Variants in ERICH5 observed in about 807,000 individuals in gnomAD.
ERICH5 encodes the protein glutamate-rich protein 5.
In ERICH5, 24 loss-of-function variants were observed where a neutral mutation model predicts 28.0. The observed-to-expected ratio is 0.86, with a 90% CI of 0.62 to 1.21. The LOEUF (loss-of-function observed/expected upper bound fraction) is 1.21. Ranked by LOEUF, ERICH5 falls within the 50% of genes most tolerant of loss-of-function variation. ERICH5 has a pLI of 0.00. For synonymous variants in ERICH5, 163 were observed against 157.6 expected (o/e 1.03, Z -0.25); for missense variants, 421 against 441.2 (o/e 0.95, Z 0.41).
chr8:98,084,580 C>A lies in ERICH5; in HGVS notation c.59-4496C>A, dbSNP rs1815239229. 2.0e-5 allele frequency among the ~76,000 whole-genome samples: 3 copies of A among 151,672 alleles called. No individual in the cohort carries two copies. In the South Asian group the frequency reaches 6.3e-4, roughly 32 times the overall value. On this transcript the variant is annotated intron_variant, in intron 1 of 2. Transcript: ENST00000318528. ...ATTTTTAGTAGAGACTGGGTTTCAC[C>A]ATGTTGGCCAGGCTGGTCTCGAACT...
chr8:98,070,677 AAAAAAGAAAAGAAAAG>A (rs1814899388), intron 1 of ERICH5, among the ~76,000 whole-genome samples: 1 of 147,594 alleles, frequency 6.8e-6, no homozygotes, highest in Admixed American at 6.8e-5. Context: ...AAAAAAAAAA[AAAAAAGAAAAGAAAAG>A]AAAAAGAAAA....
At position 98,093,325 on chromosome 8, in the gene ERICH5, G is replaced by T; in HGVS notation, c.1117G>T (p.Ala373Ser). The T allele has an allele frequency of 6.2e-7, 1 of 1,611,912 alleles. No homozygotes were observed. Among genetic ancestry groups the T allele is most frequent in the Non-Finnish European group, 8.5e-7 (1 of 1,178,218 alleles). Residue 373 changes from alanine to serine, a missense_variant, in exon 3 of 3, where the codon GCC becomes TCC. Coordinates refer to ENST00000318528, the MANE Select transcript of ERICH5 (RefSeq NM_173549.3). Reference sequence around the variant, plus strand: ...AGGAGAAGTGGTGGACCTTTCAGCAGCCACATAGATAGAAGAGTGAACCGA... The same window carrying T: ...AGGAGAAGTGGTGGACCTTTCAGCATCCACATAGATAGAAGAGTGAACCGA... ...ETGEVVDLSAAT is the reference protein window; with the variant it reads ...ETGEVVDLSAST
At chr8:98,072,299 A>G (rs1245900937) in intron 1 of ERICH5, among the ~76,000 whole-genome samples, 3 of 152,162 alleles carry the variant, frequency 2.0e-5, no homozygotes, top group Non-Finnish European at 4.4e-5. Flanking sequence ...TGTGATGCAC[A>G]AATATCATAT....
At chr8:98,087,071 G>A (rs1815295343) in intron 1 of ERICH5, among the ~76,000 whole-genome samples, 1 of 152,138 alleles carries the variant, frequency 6.6e-6, no homozygotes, top group Non-Finnish European at 1.5e-5. Flanking sequence ...AGACGGGCGT[G>A]GTGGCTTACG....
At chr8:98,088,381 T>C (rs1416094715) in intron 1 of ERICH5, among the ~76,000 whole-genome samples, 1 of 152,208 alleles carries the variant, frequency 6.6e-6, no homozygotes, top group African/African-American at 2.4e-5. Context: ...CATTGGGAGC[T>C]AAGTTTCCAA....
chr8:98,071,160 C>T (rs1814911444), intron 1 of ERICH5, among the ~76,000 whole-genome samples: 1 of 152,080 alleles, frequency 6.6e-6, no homozygotes, highest in South Asian at 2.1e-4. Flanking sequence ...ACCCGTAATC[C>T]CAGCTACTCG....
At chr8:98,078,084 C>T (rs1815092105) in intron 1 of ERICH5, among the ~76,000 whole-genome samples, 1 of 152,172 alleles carries the variant, frequency 6.6e-6, no homozygotes, top group South Asian at 2.1e-4. Flanking sequence ...CCTAAGTTCA[C>T]CTTTCTTCAA....
At chr8:98,073,456 A>C (rs866695988) in intron 1 of ERICH5, among the ~76,000 whole-genome samples, 158 of 9,570 alleles carry the variant, frequency 0.017, 33 homozygotes, top group Middle Eastern at 0.056. Context: ...ATATATATAT[A>C]TATGTATATA....
chr8:98,085,136 CTTTTTTTTTTTTTTTTTTTTTTTTT>C lies in ERICH5; in HGVS notation c.59-3922_59-3898del, dbSNP rs760470751. Among the ~76,000 whole-genome samples the C allele has an allele frequency of 4.4e-3, 252 of 57,322 alleles. 1 individual carries two copies. In the South Asian group the frequency reaches 0.063, roughly 14 times the overall value. 37.6% of individuals were successfully genotyped at this position (57,322 alleles called of 152,430 possible). On this transcript the variant is annotated intron_variant, in intron 1 of 2. Transcript: ENST00000318528. ...TTCCCTGGTGTGAACGTTCCACAGC[CTTTTTTTTTTTTTTTTTTTTTTTTT>C]TTTTTTTTTTTTTTTTTGAGACGGA... is the stretch of plus-strand genomic sequence containing the variant.
In ERICH5 at chr8:98,089,687, G is replaced by A. The variant is rs971787626; in HGVS notation, c.670G>A (p.Glu224Lys). Reference protein sequence around the residue: ...QAPLLETISKENESPEILEGS... With the variant: ...QAPLLETISKKNESPEILEGS... ...CCCGCTTCTAGAAACAATTTCCAAA[G>A]AGAATGAATCTCCAGAAATATTGGA... Residue 224 changes from glutamate (E) to lysine (K), a missense_variant, in exon 2 of 3, where the codon GAG (glutamate) becomes AAG (lysine). Physicochemically the swap from Glu to Lys is moderately conservative, Grantham distance 56. Transcript: ENST00000318528. The A allele has an allele frequency of 1.9e-6, 3 of 1,614,026 alleles. No homozygotes were observed. Among genetic ancestry groups the A allele is most frequent in the Non-Finnish European group, 1.7e-6 (2 of 1,180,022 alleles).
chr8:98,087,621 C>T (rs1257357080), intron 1 of ERICH5, among the ~76,000 whole-genome samples: 1 of 150,682 alleles, frequency 6.6e-6, no homozygotes, highest in Non-Finnish European at 1.5e-5. Context: ...TGCCCTCCCT[C>T]CCCTCCCTGC....
intron 1 of ERICH5, among the ~76,000 whole-genome samples, chr8:98,080,646 C>T (rs1257116305): frequency 1.3e-5 from 2 of 150,740 alleles, no homozygotes; most frequent in Non-Finnish European, 3.0e-5. Context: ...TTCTCCTTCT[C>T]CTTCTTCTTC....
chr8:98,073,695 A>C (rs1814994305), intron 1 of ERICH5, among the ~76,000 whole-genome samples: 1 of 149,018 alleles, frequency 6.7e-6, no homozygotes, highest in East Asian at 2.0e-4. Flanking sequence ...GACGGGTGCC[A>C]CCATGCCCGG....
At chr8:98,073,454 A>C (rs1201715887) in intron 1 of ERICH5, among the ~76,000 whole-genome samples, 265 of 9,718 alleles carry the variant, frequency 0.027, 57 homozygotes, top group Middle Eastern at 0.05. Flanking sequence ...ATATATATAT[A>C]TATATGTATA....
chr8:98,087,194 T>TA lies in ERICH5; in HGVS notation c.59-1875dup, dbSNP rs1227179174. Among the ~76,000 whole-genome samples the TA allele has an allele frequency of 2.6e-5, 4 of 151,862 alleles. No individual in the cohort carries two copies. In the East Asian group the frequency reaches 5.8e-4, roughly 22 times the overall value. On this transcript the variant is annotated intron_variant, in intron 1 of 2. Transcript: ENST00000318528. Reference sequence around the variant, plus strand: ...TGGGACCACATCTCTATTTAAAAAATAAAAAAAGTTAATTGAAAGGTCCAA... The same window carrying TA: ...TGGGACCACATCTCTATTTAAAAAATAAAAAAAAGTTAATTGAAAGGTCCAA...
In ERICH5 at chr8:98,093,495, G is replaced by T; in HGVS notation, c.*162G>T. On this transcript the variant is annotated 3_prime_UTR_variant, in exon 3 of 3. Coordinates refer to ENST00000318528, the MANE Select transcript of ERICH5 (RefSeq NM_173549.3). ...ATGAGAAGGATGTTTCTGTGTTCTT[G>T]ATTATATTGTTCTGCAAAACTGCTA... 2.0e-6 allele frequency: 1 copy of T among 500,306 alleles called. No homozygotes were observed. The highest frequency in any genetic ancestry group is 3.8e-5 in the South Asian group (1 of 26,526). 31.0% of individuals were successfully genotyped at this position (500,306 alleles called of 1,614,324 possible). A position where few individuals can be genotyped will look rare whatever the true frequency, so the allele number is the denominator to read the frequency against.
intron 1 of ERICH5, among the ~76,000 whole-genome samples, chr8:98,073,804 A>G (rs531823678): frequency 7.3e-4 from 111 of 151,228 alleles, no homozygotes; most frequent in Middle Eastern, 3.4e-3. Context: ...CGGCCTCCCA[A>G]AGTGTTGGGA....
intron 1 of ERICH5, among the ~76,000 whole-genome samples, chr8:98,079,166 C>CTTT (rs528062932): frequency 1.3e-3 from 102 of 75,556 alleles, no homozygotes; most frequent in African/African-American, 4.0e-3. Context: ...TTTTTTTTTC[C>CTTT]TTTTTTTTTT....
rs371837202 is a variant in ERICH5 at position 98,069,953 on chromosome 8, G to C, written c.58+5226G>C. Among the ~76,000 whole-genome samples the C allele has an allele frequency of 2.6e-5, 4 of 152,184 alleles. No individual in the cohort carries two copies. The East Asian group carries it at 7.7e-4, about 29-fold the overall frequency. ...CATGCACTTGGTTTCAGGTGCTTTA[G>C]TTTGTGATCTTATTTAATCCTCACA... On this transcript the variant is annotated intron_variant, in intron 1 of 2. Coordinates refer to ENST00000318528, the MANE Select transcript of ERICH5 (RefSeq NM_173549.3).
Sources: gnomAD v4.1 joint callset for allele counts (sites outside exome capture counted in the v4.1 genomes callset) on GRCh38, gnomAD v4.1.1 for gene constraint, MANE v1.5 for transcripts, NCBI Gene and HGNC (gene_info 2026-07-23, HGNC 2026-07-21) for gene names.